Variants in CACNA1A observed in about 807,000 individuals in gnomAD.
CACNA1A encodes the protein calcium voltage-gated channel subunit alpha1 A.
In CACNA1A, 57 loss-of-function variants were observed where a neutral mutation model predicts 262.4. The ratio of observed to expected loss-of-function variants is 0.22; its 90% confidence interval spans 0.18 to 0.27. The LOEUF (loss-of-function observed/expected upper bound fraction) is 0.27. Among genes scored for constraint, CACNA1A ranks in the 10% least tolerant of loss-of-function variants. The probability of loss-of-function intolerance (pLI) is 1.00; values close to 1 mark genes in which losing one functional copy is unlikely to be tolerated. For synonymous variants in CACNA1A, 1,431 were observed against 1,419.3 expected (o/e 1.01, Z -0.18); for missense variants, 2,526 against 3,562.8 (o/e 0.71, Z 7.41).
At chr19:13,465,030 G>A (rs930320616) in intron 1 of CACNA1A, among the ~76,000 whole-genome samples, 1 of 151,898 alleles carries the variant, frequency 6.6e-6, no homozygotes, top group Non-Finnish European at 1.5e-5. Context: ...CTGGGTGCGA[G>A]CAATTCTCCT....
Position 13,235,717 on chromosome 19 carries a change from T to C in CACNA1A, c.4964A>G (p.Asn1655Ser). ...LVTEFGNNFINLSFLRLFRAA... is the reference protein window; with the variant it reads ...LVTEFGNNFISLSFLRLFRAA... ...TCGGAAGAGGCGGAGAAAGCTCAGG[T>C]TGATGAAGTTATTCTGGGGAGATGG... is the stretch of plus-strand genomic sequence containing the variant. The change falls in exon 32 of 47, where the codon AAC (asparagine) becomes AGC (serine). Residue 1655 changes from asparagine to serine, a missense_variant. Coordinates refer to ENST00000360228, the MANE Select transcript of CACNA1A (RefSeq NM_001127222.2). 1 of 1,613,192 alleles carries C rather than the reference T, an allele frequency of 6.2e-7. No homozygotes were observed. Among genetic ancestry groups the C allele is most frequent in the Non-Finnish European group, 8.5e-7 (1 of 1,179,458 alleles).
intron 3 of CACNA1A, among the ~76,000 whole-genome samples, chr19:13,384,847 C>T (rs368880327): frequency 3.9e-5 from 6 of 152,048 alleles, no homozygotes; most frequent in Admixed American, 1.3e-4. Flanking sequence ...ATCAGGGTCA[C>T]GTCAGTCTTG....
intron 6 of CACNA1A, among the ~76,000 whole-genome samples, chr19:13,345,659 C>T (rs2058750405): frequency 6.6e-6 from 1 of 152,096 alleles, no homozygotes; most frequent in Non-Finnish European, 1.5e-5. Context: ...AACCCCAAAA[C>T]TCAGCTCAGG....
chr19:13,325,022 C>T (rs56288083), intron 10 of CACNA1A, among the ~76,000 whole-genome samples: 18,522 of 150,922 alleles, frequency 0.12, 2,126 homozygotes, highest in African/African-American at 0.3. Flanking sequence ...GCTTCTTCTT[C>T]GTCTTCTTCT....
intron 3 of CACNA1A, chr19:13,451,470 G>C (rs146241368): frequency 1.3e-5 from 2 of 152,350 alleles, no homozygotes; most frequent in African/African-American, 4.8e-5. Context: ...ACCAGCCATT[G>C]GTACCAGATA....
chr19:13,493,469 G>A lies in CACNA1A; in HGVS notation c.293+12463C>T, dbSNP rs544754605. Among the ~76,000 whole-genome samples the A allele has an allele frequency of 9.2e-4, 140 of 152,330 alleles. 1 individual carries two copies. The Middle Eastern group carries it at 0.017, about 19-fold the overall frequency. ...TTCGTGACAACCAAAAACGTCTCCA[G>A]ACATTGCCAAAAGTCCCCTTGGGGG... On this transcript the variant is annotated intron_variant, in intron 1 of 46. Coordinates refer to ENST00000360228, the MANE Select transcript of CACNA1A (RefSeq NM_001127222.2).
intron 3 of CACNA1A, among the ~76,000 whole-genome samples, chr19:13,406,509 A>ATATATATATATATATG (rs1487889235): frequency 1.6e-4 from 18 of 109,650 alleles, no homozygotes; most frequent in East Asian, 8.6e-4. Context: ...ATATATATAT[A>ATATATATATATATATG]TATGAAGGGA....
intron 37 of CACNA1A, chr19:13,226,819 G>A (rs1218267635): frequency 1.3e-5 from 2 of 152,572 alleles, no homozygotes; most frequent in Non-Finnish European, 2.9e-5. Flanking sequence ...AGGCATGTTG[G>A]GGTGTCTTGG....
In CACNA1A at chr19:13,298,797, A is replaced by T. The variant is rs2144954322; in HGVS notation, c.2836T>A (p.Ser946Thr). The T allele has an allele frequency of 6.5e-7, 1 of 1,548,098 alleles. No homozygotes were observed. Among genetic ancestry groups the T allele is most frequent in the Non-Finnish European group, 8.6e-7 (1 of 1,158,494 alleles). The change falls in exon 19 of 47, where the codon TCC (serine) becomes ACC (threonine). Residue 946 changes from serine (S) to threonine (T), a missense_variant. This residue lies in a region of CACNA1A where 765 missense variants were observed against 748.6 expected (regional missense o/e 1.02). Transcript: ENST00000360228. The stretch of plus-strand genomic sequence containing the variant: ...TCCCCGTCCGCGCCCGTGCGCGGGG[A>T]CCCGCTGCGGCTCTCCCTGCTGCCC... ...QGGSRESRSG[S>T]PRTGADGEHR...
rs71170503 is a variant in CACNA1A at position 13,369,037 on chromosome 19, CAA to C, written c.631+2649_631+2650del. 3.9e-3 allele frequency among the ~76,000 whole-genome samples: 189 copies of C among 48,774 alleles called. 3 individuals are homozygous for C. The highest frequency in any genetic ancestry group is 9.9e-3 in the African/African-American group (137 of 13,800). 32.0% of individuals were successfully genotyped at this position (48,774 alleles called of 152,430 possible). Reference sequence around the variant, plus strand: ...TGGGCGACAGAGCGAGACTCCGTCTCAAAAAAAAAAAAAAAAAAAAAAAATGT... The same window carrying C: ...TGGGCGACAGAGCGAGACTCCGTCTCAAAAAAAAAAAAAAAAAAAAAATGT... On this transcript the variant is annotated intron_variant, in intron 4 of 46. Transcript: ENST00000360228.
intron 6 of CACNA1A, among the ~76,000 whole-genome samples, chr19:13,353,992 T>C (rs909081726): frequency 1.3e-5 from 2 of 152,244 alleles, no homozygotes; most frequent in African/African-American, 4.8e-5. Flanking sequence ...TTATTTATCA[T>C]GTTTACCATT....
At chr19:13,263,129 A>AG (rs1243475672) in intron 24 of CACNA1A, 1 of 352,990 alleles carries the variant, frequency 2.8e-6, no homozygotes, top group African/African-American at 2.1e-5. Flanking sequence ...ACCCAGCACA[A>AG]GGGGGTTGGC....
At chr19:13,314,145 G>C (rs1194450478) in intron 11 of CACNA1A, among the ~76,000 whole-genome samples, 1 of 152,308 alleles carries the variant, frequency 6.6e-6, no homozygotes, top group African/African-American at 2.4e-5. Context: ...TTCTTGGTAG[G>C]GTAGGAAGAT....
intron 3 of CACNA1A, among the ~76,000 whole-genome samples, chr19:13,401,805 A>C (rs2059904448): frequency 6.6e-6 from 1 of 151,394 alleles, no homozygotes; most frequent in Non-Finnish European, 1.5e-5. Flanking sequence ...GTCACCCACC[A>C]CTCCACCTCA....
At chr19:13,414,073 A>G (rs926645000) in intron 3 of CACNA1A, among the ~76,000 whole-genome samples, 4 of 151,812 alleles carry the variant, frequency 2.6e-5, no homozygotes, top group African/African-American at 9.7e-5. Flanking sequence ...AAAATACAAA[A>G]ATTAGCCAGG....
In CACNA1A at chr19:13,307,791, C is replaced by T. The variant is rs371952989; in HGVS notation, c.1977G>A (p.Thr659=). 4.3e-6 allele frequency: 7 copies of T among 1,613,836 alleles called. No individual in the cohort carries two copies. Among genetic ancestry groups the T allele is most frequent in the Admixed American group, 1.7e-5 (1 of 59,998 alleles). ...NFDTFPAAIM[T]VFQILTGEDW... The stretch of plus-strand genomic sequence containing the variant: ...CAGGTGGAGGCTGTACCTGAAACAC[C>T]GTCATTATTGCTGCTGGAAAAGTAT... The change falls in exon 15 of 47, where the codon ACG becomes ACA. Residue 659 remains threonine, a synonymous_variant. Transcript: ENST00000360228.
chr19:13,458,250 C>T (rs1340887851), intron 1 of CACNA1A, among the ~76,000 whole-genome samples: 3 of 152,126 alleles, frequency 2.0e-5, no homozygotes, highest in Non-Finnish European at 4.4e-5. Context: ...GCCTTGAATT[C>T]CTAGGCTCAA....
At chr19:13,353,174 C>G (rs977934881) in intron 6 of CACNA1A, among the ~76,000 whole-genome samples, 1 of 151,822 alleles carries the variant, frequency 6.6e-6, no homozygotes, top group Non-Finnish European at 1.5e-5. Context: ...AGTGCAGTGG[C>G]GTGATCACGG....
intron 3 of CACNA1A, among the ~76,000 whole-genome samples, chr19:13,409,121 T>C (rs555250427): frequency 6.6e-5 from 10 of 152,296 alleles, no homozygotes; most frequent in African/African-American, 1.9e-4. Flanking sequence ...TTCAGGACTG[T>C]TGCCATAGAG....
Sources: allele counts gnomAD v4.1 joint callset (sites outside exome capture counted in the v4.1 genomes callset), GRCh38; gene constraint gnomAD v4.1.1; regional missense constraint gnomAD v4.1.1; transcripts MANE v1.5; gene names NCBI Gene and HGNC (gene_info 2026-07-23, HGNC 2026-07-21).